The following ANKRD30A variants were observed in gnomAD, a reference collection of about 807,000 sequenced individuals.
ANKRD30A encodes ankyrin repeat domain-containing protein 30A.
A neutral mutation model predicts 166.3 loss-of-function variants in ANKRD30A; 170 were observed. That is an observed-to-expected ratio of 1.02 (90% CI 0.90 to 1.16). ANKRD30A has a LOEUF of 1.16. ANKRD30A is among the 50% of genes most tolerant of loss of function. ANKRD30A has a pLI of 0.00. For synonymous variants in ANKRD30A, 564 were observed against 508.9 expected (o/e 1.11, Z -1.46); for missense variants, 1,630 against 1,518.0 (o/e 1.07, Z -1.23).
chr10:37,206,299 G>A (rs1445711768), intron 31 of ANKRD30A, among the ~76,000 whole-genome samples: 1 of 152,154 alleles, frequency 6.6e-6, no homozygotes, highest in East Asian at 1.9e-4. Context: ...CACTCCAGAA[G>A]ATGAGATTGT....
chr10:37,208,329 C>T (rs1842100529), intron 31 of ANKRD30A, among the ~76,000 whole-genome samples: 1 of 152,098 alleles, frequency 6.6e-6, no homozygotes, highest in Non-Finnish European at 1.5e-5. Flanking sequence ...CAGCTTCGTC[C>T]TTCTTTCTGG....
chr10:37,150,028 TA>T (rs1270732902), intron 11 of ANKRD30A, among the ~76,000 whole-genome samples, 179 bp downstream of exon 11: 2 of 152,078 alleles, frequency 1.3e-5, no homozygotes, highest in African/African-American at 2.4e-5. Context: ...ATTTTTAATA[TA>T]TTTTTTAAAA....
the ANKRD30A span, among the ~76,000 whole-genome samples, chr10:37,262,118 T>C: frequency 6.6e-6 from 1 of 152,212 alleles, no homozygotes; most frequent in African/African-American, 2.4e-5. Flanking sequence ...TTATACAAAG[T>C]CAGAGTTTCT....
At chr10:37,156,306 C>T (rs1249981780) in intron 13 of ANKRD30A, among the ~76,000 whole-genome samples, 1 of 152,018 alleles carries the variant, frequency 6.6e-6, no homozygotes, top group African/African-American at 2.4e-5. Context: ...GCTCATGAAT[C>T]TTTCGAGCTA....
chr10:37,242,851 G>A, the ANKRD30A span, among the ~76,000 whole-genome samples: 1 of 152,038 alleles, frequency 6.6e-6, no homozygotes, highest in African/African-American at 2.4e-5. Flanking sequence ...GTACCAGGTG[G>A]GCATAAACTT....
the ANKRD30A span, among the ~76,000 whole-genome samples, chr10:37,253,513 G>A: frequency 4.6e-5 from 7 of 152,204 alleles, no homozygotes; most frequent in Admixed American, 6.5e-5. Context: ...CCCAGGCAGC[G>A]CTAGTCCTTA....
chr10:37,166,712 A>G lies in ANKRD30A; in HGVS notation c.2155+17A>G, dbSNP rs1423203401. ...AATTAGAAGGTAAGAACCGTTTTTTATTTAAAAATCATTTGACCAAATATT... is the reference window on the plus strand; with the variant it reads ...AATTAGAAGGTAAGAACCGTTTTTTGTTTAAAAATCATTTGACCAAATATT... On this transcript the variant is annotated intron_variant, in intron 19 of 35. Transcript: ENST00000361713. 3.7e-6 allele frequency: 6 copies of G among 1,605,830 alleles called. No homozygotes were observed. Among genetic ancestry groups the G allele is most frequent in the South Asian group, 1.1e-5 (1 of 89,260 alleles).
intron 27 of ANKRD30A, among the ~76,000 whole-genome samples, chr10:37,195,537 C>T (rs900346147): frequency 2.0e-5 from 3 of 152,064 alleles, no homozygotes; most frequent in South Asian, 2.1e-4. Context: ...TAAAGTATAC[C>T]TAATATAATT....
At chr10:37,240,847 T>C in the ANKRD30A span, 51 of 152,262 alleles carry the variant, frequency 3.3e-4, no homozygotes, top group African/African-American at 1.2e-3. Flanking sequence ...TACCTGTTTG[T>C]TTTTTCAGGT....
chr10:37,265,548 A>G, the ANKRD30A span, among the ~76,000 whole-genome samples: 29 of 152,208 alleles, frequency 1.9e-4, no homozygotes, highest in Admixed American at 4.6e-4. Flanking sequence ...CAGGAACCCA[A>G]GCCTCTTTCT....
intron 13 of ANKRD30A, among the ~76,000 whole-genome samples, chr10:37,154,141 T>C (rs1838177613): frequency 1.3e-5 from 2 of 152,184 alleles, no homozygotes; most frequent in Admixed American, 1.3e-4. Context: ...CTTAATGTCT[T>C]TCTCACTGGT....
rs922492359 is a variant in ANKRD30A, at chr10:37,197,576, G to C, written c.2716+96G>C. ...CCAATGCTTTATTTTTTTCAACTTT[G>C]ATGATAAGTTTTGATCTAGGTAATG... is the stretch of plus-strand genomic sequence containing the variant. On this transcript the variant is annotated intron_variant, in intron 29 of 35. Transcript: ENST00000361713. 3.8e-6 allele frequency: 6 copies of C among 1,574,164 alleles called. No homozygotes were observed. In the African/African-American group the frequency reaches 8.2e-5, roughly 21 times the overall value.
At chr10:37,265,731 C>T in the ANKRD30A span, among the ~76,000 whole-genome samples, 4 of 152,224 alleles carry the variant, frequency 2.6e-5, no homozygotes, top group Non-Finnish European at 1.5e-5. Flanking sequence ...CATGCTGGGG[C>T]ACAGAACCCA....
At chr10:37,258,679 A>C in the ANKRD30A span, among the ~76,000 whole-genome samples, 1 of 151,192 alleles carries the variant, frequency 6.6e-6, no homozygotes, top group African/African-American at 2.4e-5. Context: ...AAGCTTCTAC[A>C]ATGGCCATGA....
rs78656458 is a variant in ANKRD30A, at chr10:37,202,252, G to T, written c.2869+927G>T. ...GTAGATGGAAGTAAAGCAGTCCTCAGCAAATGTAAAAGAACAGAAATTATC... is the reference window on the plus strand; with the variant it reads ...GTAGATGGAAGTAAAGCAGTCCTCATCAAATGTAAAAGAACAGAAATTATC... On this transcript the variant is annotated intron_variant, in intron 31 of 35. Transcript: ENST00000361713. 3.8e-3 allele frequency among the ~76,000 whole-genome samples: 581 copies of T among 152,260 alleles called. 3 individuals carry two copies. The highest frequency in any genetic ancestry group is 0.013 in the African/African-American group (555 of 41,568).
chr10:37,196,337 G>A (rs568993498), intron 27 of ANKRD30A, among the ~76,000 whole-genome samples: 2 of 152,114 alleles, frequency 1.3e-5, no homozygotes, highest in East Asian at 3.9e-4. Context: ...CTGTTACAAT[G>A]AGGCATGACA....
chr10:37,133,543 G>A (rs1219979278), intron 4 of ANKRD30A, among the ~76,000 whole-genome samples: 1 of 152,094 alleles, frequency 6.6e-6, no homozygotes, highest in Non-Finnish European at 1.5e-5. Flanking sequence ...TCCTAATATT[G>A]TTTTAAGCCT....
chr10:37,153,735 A>G, intron 13 of ANKRD30A, 73 bp downstream of exon 13: 1 of 1,570,092 alleles, frequency 6.4e-7, no homozygotes, highest in East Asian at 2.3e-5. Context: ...GATATCCTCT[A>G]GTAGCTGAAG....
At chr10:37,165,928 C>G (rs1159008886) in intron 18 of ANKRD30A, among the ~76,000 whole-genome samples, 1 of 152,052 alleles carries the variant, frequency 6.6e-6, no homozygotes, top group African/African-American at 2.4e-5. Context: ...TAGATTTTAT[C>G]TGATATTTTA....
Sources: allele counts gnomAD v4.1 joint callset (sites outside exome capture counted in the v4.1 genomes callset), GRCh38; gene constraint gnomAD v4.1.1; transcripts MANE v1.5; gene names NCBI Gene and HGNC (gene_info 2026-07-23, HGNC 2026-07-21).